Variants in PCSK2 observed in about 807,000 individuals in gnomAD.
PCSK2 encodes proprotein convertase subtilisin/kexin type 2.
In PCSK2, 14 loss-of-function variants were observed where a neutral mutation model predicts 69.7. The ratio of observed to expected loss-of-function variants is 0.20; its 90% CI spans 0.13 to 0.31. The LOEUF is 0.31. PCSK2 is among the 10% of genes least tolerant of loss of function. The pLI, the probability that PCSK2 is intolerant of heterozygous loss-of-function variation, is 1.00. For synonymous variants in PCSK2, 307 were observed against 320.7 expected (o/e 0.96, Z 0.46); for missense variants, 544 against 842.5 (o/e 0.65, Z 4.39).
intron 1 of PCSK2, among the ~76,000 whole-genome samples, chr20:17,248,683 C>T (rs1391501195): frequency 6.6e-6 from 1 of 152,100 alleles, no homozygotes; most frequent in Non-Finnish European, 1.5e-5. Flanking sequence ...CTTTATGAGA[C>T]CAATTAGCTC....
chr20:17,410,320 T>A (rs1052807083), intron 6 of PCSK2, among the ~76,000 whole-genome samples: 1 of 152,200 alleles, frequency 6.6e-6, no homozygotes, highest in Non-Finnish European at 1.5e-5. Context: ...TATTCTTTGC[T>A]GAGTATCATT....
chr20:17,434,630 A>G (rs2032446804), intron 7 of PCSK2, among the ~76,000 whole-genome samples: 1 of 152,182 alleles, frequency 6.6e-6, no homozygotes, highest in Non-Finnish European at 1.5e-5. Context: ...AGAGGGTTCA[A>G]GGCACAGCTG....
At position 17,236,646 on chromosome 20, in the gene PCSK2, C is replaced by G. The variant is rs1485834941; in HGVS notation, c.177+9164C>G. On this transcript the variant is annotated intron_variant, in intron 1 of 11. Transcript: ENST00000262545. The stretch of plus-strand genomic sequence containing the variant: ...GTTCTTTCTTAAAATTCTAATGTTA[C>G]CACAAGTCCTTTTATCAGAACTTCA... Among the ~76,000 whole-genome samples the G allele has an allele frequency of 2.6e-5, 4 of 152,164 alleles. No homozygotes were observed. In the South Asian group the frequency reaches 8.3e-4, roughly 32 times the overall value.
At chr20:17,449,526 G>GTGTATATA (rs1555796488) in intron 8 of PCSK2, among the ~76,000 whole-genome samples, 7,549 of 130,694 alleles carry the variant, frequency 0.058, 312 homozygotes, top group Middle Eastern at 0.13. Flanking sequence ...ATGTATGTAT[G>GTGTATATA]TATATATATA....
intron 2 of PCSK2, among the ~76,000 whole-genome samples, chr20:17,303,436 T>TAATATAATATATATTATATTA (rs1437983051): frequency 9.1e-5 from 6 of 66,168 alleles, no homozygotes; most frequent in South Asian, 3.3e-4. Context: ...TTTTAATATA[T>TAATATAATATATATTATATTA]AATATAATAT....
intron 5 of PCSK2, among the ~76,000 whole-genome samples, chr20:17,384,252 G>T (rs1043651795): frequency 6.6e-5 from 10 of 151,992 alleles, no homozygotes; most frequent in Non-Finnish European, 1.3e-4. Flanking sequence ...CTGAGGAAAA[G>T]CACTTAAATC....
intron 2 of PCSK2, among the ~76,000 whole-genome samples, chr20:17,272,393 A>C (rs1036422212): frequency 6.6e-6 from 1 of 152,258 alleles, no homozygotes; most frequent in Non-Finnish European, 1.5e-5. Flanking sequence ...ACCTACAATT[A>C]GCTAAAATTT....
intron 5 of PCSK2, among the ~76,000 whole-genome samples, chr20:17,407,131 G>T (rs1295504589): frequency 6.6e-6 from 1 of 152,144 alleles, no homozygotes; most frequent in Non-Finnish European, 1.5e-5. Context: ...GGATGGAGCT[G>T]CCCCAAGCCT....
At chr20:17,310,730 AC>A (rs1485313751) in intron 2 of PCSK2, among the ~76,000 whole-genome samples, 6 of 151,192 alleles carry the variant, frequency 4.0e-5, no homozygotes, top group Non-Finnish European at 7.4e-5. Context: ...AGTGGCTGAC[AC>A]CTGTAATCCC....
At chr20:17,344,956 A>AC (rs11087203) in intron 2 of PCSK2, among the ~76,000 whole-genome samples, 140,216 of 152,226 alleles carry the variant, frequency 0.92, 64,668 homozygotes, top group South Asian at 0.96. Context: ...CCTTCCTCGA[A>AC]CAATCTCAAC....
intron 2 of PCSK2, among the ~76,000 whole-genome samples, chr20:17,323,451 A>G (rs1989939761): frequency 6.6e-6 from 1 of 152,192 alleles, no homozygotes; most frequent in African/African-American, 2.4e-5. Context: ...ACCTGTTCTC[A>G]CAGCCCTAGC....
chr20:17,248,268 T>C lies in PCSK2; in HGVS notation c.178-11972T>C, dbSNP rs186655982. On this transcript the variant is annotated intron_variant, in intron 1 of 11. Coordinates refer to ENST00000262545, the MANE Select transcript of PCSK2 (RefSeq NM_002594.5). ...ACTAAATGCCCGCAGTATGAGAGGC[T>C]TCTTACTAGGATACTCAGGTGAATG... Among the ~76,000 whole-genome samples the C allele has an allele frequency of 2.6e-5, 4 of 151,966 alleles. No individual in the cohort carries two copies. The East Asian group carries it at 7.8e-4, about 29-fold the overall frequency.
At chr20:17,282,236 TACACACACACATAAAC>T (rs920672211) in intron 2 of PCSK2, among the ~76,000 whole-genome samples, 6 of 151,892 alleles carry the variant, frequency 4.0e-5, no homozygotes, top group African/African-American at 1.2e-4. Flanking sequence ...TCTCTCTCCA[TACACACACACATAAAC>T]ACACACACAC....
chr20:17,265,563 A>T (rs191447898), intron 2 of PCSK2, among the ~76,000 whole-genome samples: 62 of 152,328 alleles, frequency 4.1e-4, no homozygotes, highest in Non-Finnish European at 6.8e-4. Flanking sequence ...CAAAAGGGAA[A>T]ATAGCATTTT....
intron 2 of PCSK2, among the ~76,000 whole-genome samples, chr20:17,323,987 C>T (rs1989959217): frequency 6.6e-6 from 1 of 152,200 alleles, no homozygotes; most frequent in Non-Finnish European, 1.5e-5. Context: ...CCAGAGAAGC[C>T]CTCAACCAAT....
chr20:17,460,349 A>G (rs1319327502), intron 10 of PCSK2, among the ~76,000 whole-genome samples: 1 of 152,240 alleles, frequency 6.6e-6, no homozygotes, highest in African/African-American at 2.4e-5. Context: ...AGCCCCACCC[A>G]GTGGCTTCTG....
At position 17,327,756 on chromosome 20, in the gene PCSK2, A is replaced by G. The variant is rs561525902; in HGVS notation, c.283-30571A>G. On this transcript the variant is annotated intron_variant, in intron 2 of 11. Coordinates refer to ENST00000262545, the MANE Select transcript of PCSK2 (RefSeq NM_002594.5). ...CAAATTAAGGTATTTGCTGGTTTCT[A>G]TTACCATTTTTTGGTAAATCACTTT... is the stretch of plus-strand genomic sequence containing the variant. 7.5e-4 allele frequency among the ~76,000 whole-genome samples: 115 copies of G among 152,344 alleles called. 1 individual carries two copies. Among genetic ancestry groups the G allele is most frequent in the Non-Finnish European group, 1.5e-3 (104 of 68,034 alleles).
intron 2 of PCSK2, among the ~76,000 whole-genome samples, chr20:17,330,498 G>A (rs1990181281): frequency 1.3e-5 from 2 of 152,106 alleles, no homozygotes; most frequent in African/African-American, 4.8e-5. Flanking sequence ...GGAGGCTGAG[G>A]CAGGAGAATC....
At chr20:17,446,060 C>A (rs142922481) in intron 8 of PCSK2, among the ~76,000 whole-genome samples, 45 of 152,264 alleles carry the variant, frequency 3.0e-4, no homozygotes, top group African/African-American at 9.6e-4. Flanking sequence ...GTAGCGTTGG[C>A]CCACCTGGGC....
Sources: gnomAD v4.1 joint callset for allele counts (sites outside exome capture counted in the v4.1 genomes callset) on GRCh38, gnomAD v4.1.1 for gene constraint, MANE v1.5 for transcripts, NCBI Gene and HGNC (gene_info 2026-07-23, HGNC 2026-07-21) for gene names.